Variants in CCSER1 observed in about 807,000 individuals in gnomAD.
CCSER1 encodes the protein coiled-coil serine rich protein 1.
Under a neutral mutation model 82.0 loss-of-function variants are expected in CCSER1, and 41 were observed. The observed-to-expected ratio is 0.50, with a 90% CI of 0.39 to 0.65. The LOEUF (loss-of-function observed/expected upper bound fraction) is 0.65. CCSER1 is among the 30% of genes least tolerant of loss of function. The probability of loss-of-function intolerance (pLI) is 0.00; values close to 1 mark genes in which losing one functional copy is unlikely to be tolerated. For synonymous variants in CCSER1, 414 were observed against 383.9 expected, an observed-to-expected ratio of 1.08 and a Z score of -0.92; for missense variants, 1,119 against 1,064.2, an observed-to-expected ratio of 1.05 and a Z score of -0.72.
At position 91,537,849 on chromosome 4, in the gene CCSER1, T is replaced by TA. The variant is rs796618804; in HGVS notation, c.2218-60716dup. Among the ~76,000 whole-genome samples, 228 of 151,862 alleles carry TA rather than the reference T, an allele frequency of 1.5e-3. 2 individuals are homozygous for TA. The highest frequency in any genetic ancestry group is 5.2e-3 in the African/African-American group (216 of 41,476). The stretch of plus-strand genomic sequence containing the variant: ...TTTCTTTATATTCATCCTATCAAAT[T>TA]AAAAAAATCAAAGGCAAAATTTTGA... On this transcript the variant is annotated intron_variant, in intron 10 of 10. Coordinates refer to ENST00000509176, the MANE Select transcript of CCSER1 (RefSeq NM_001145065.2).
chr4:91,361,321 GA>G (rs1749227642), intron 10 of CCSER1, among the ~76,000 whole-genome samples: 1 of 151,716 alleles, frequency 6.6e-6, no homozygotes, highest in Admixed American at 6.6e-5. Context: ...ACTTTAGGAA[GA>G]AAATACCAAC....
At chr4:91,510,306 C>G (rs1759749728) in intron 10 of CCSER1, among the ~76,000 whole-genome samples, 1 of 152,136 alleles carries the variant, frequency 6.6e-6, no homozygotes, top group Admixed American at 6.6e-5. Flanking sequence ...ATAGTGTTGT[C>G]ATAAACATAT....
chr4:90,537,683 C>T (rs1222811522), intron 5 of CCSER1, among the ~76,000 whole-genome samples: 2 of 152,164 alleles, frequency 1.3e-5, no homozygotes, highest in African/African-American at 2.4e-5. Flanking sequence ...TTTTCTGCAA[C>T]AGCTGTGTAA....
At chr4:90,980,237 C>G (rs1383838725) in intron 9 of CCSER1, among the ~76,000 whole-genome samples, 1 of 151,838 alleles carries the variant, frequency 6.6e-6, no homozygotes, top group East Asian at 1.9e-4. Context: ...TAGTCCTGAG[C>G]TCACCAGTTA....
chr4:90,537,137 G>A (rs1378450035), intron 5 of CCSER1, among the ~76,000 whole-genome samples: 1 of 152,118 alleles, frequency 6.6e-6, no homozygotes, highest in African/African-American at 2.4e-5. Flanking sequence ...ACCTTTTTAA[G>A]TTTAGATTGT....
intron 3 of CCSER1, among the ~76,000 whole-genome samples, chr4:90,325,263 G>A (rs1313408813): frequency 1.3e-5 from 2 of 152,110 alleles, no homozygotes; most frequent in African/African-American, 4.8e-5. Context: ...AACAATAGCA[G>A]TATGAAATAT....
chr4:91,371,413 A>G (rs932009810), intron 10 of CCSER1, among the ~76,000 whole-genome samples: 3 of 151,880 alleles, frequency 2.0e-5, no homozygotes, highest in Non-Finnish European at 4.4e-5. Flanking sequence ...CAAATATTTG[A>G]AGTTTTCTTT....
chr4:90,566,016 G>A (rs1037366652), intron 5 of CCSER1, among the ~76,000 whole-genome samples: 1 of 150,904 alleles, frequency 6.6e-6, no homozygotes, highest in Admixed American at 6.6e-5. Flanking sequence ...TGCCACCACG[G>A]CCAGCTAATT....
At chr4:91,135,169 T>A (rs1728353131) in intron 10 of CCSER1, among the ~76,000 whole-genome samples, 1 of 152,124 alleles carries the variant, frequency 6.6e-6, no homozygotes, top group Non-Finnish European at 1.5e-5. Flanking sequence ...TAATGAAATA[T>A]CACTAGTAAT....
At chr4:90,750,143 G>A (rs914713264) in intron 7 of CCSER1, among the ~76,000 whole-genome samples, 21 of 151,742 alleles carry the variant, frequency 1.4e-4, no homozygotes, top group African/African-American at 4.3e-4. Context: ...GGGGTTGTTT[G>A]TTTTTTTCTT....
chr4:90,633,869 T>TA (rs1159106541), intron 6 of CCSER1, among the ~76,000 whole-genome samples: 1 of 151,836 alleles, frequency 6.6e-6, no homozygotes, highest in Non-Finnish European at 1.5e-5. Context: ...AGTTTCTTTT[T>TA]ATTAAAATGC....
At chr4:90,613,185 AAG>A (rs1340194640) in intron 5 of CCSER1, among the ~76,000 whole-genome samples, 10 of 152,264 alleles carry the variant, frequency 6.6e-5, no homozygotes, top group African/African-American at 1.9e-4. Context: ...TCATGAAAAA[AAG>A]AAAAAAAACT....
At chr4:90,275,898 T>G (rs941628341) in intron 1 of CCSER1, among the ~76,000 whole-genome samples, 3 of 152,148 alleles carry the variant, frequency 2.0e-5, no homozygotes, top group Admixed American at 6.6e-5. Context: ...TCAATAGACC[T>G]TTGTGAAATA....
chr4:91,016,474 T>C (rs1739441843), intron 9 of CCSER1, among the ~76,000 whole-genome samples: 1 of 152,032 alleles, frequency 6.6e-6, no homozygotes. Flanking sequence ...ATTAACTTCC[T>C]TATTATTATC....
rs1560929885 is a variant in CCSER1, at chr4:90,276,254, C to CTTTGTTT, written c.-41-31990_-41-31989insTTTGTTT. 1.2e-4 allele frequency among the ~76,000 whole-genome samples: 9 copies of CTTTGTTT among 75,610 alleles called. 1 individual carries two copies. Among genetic ancestry groups the CTTTGTTT allele is most frequent in the African/African-American group, 3.8e-4 (7 of 18,298 alleles). The allele number at this position is 75,610 out of a possible 152,430, so 49.6% of individuals were successfully genotyped here. A position where few individuals can be genotyped will look rare whatever the true frequency, so the allele number is the denominator to read the frequency against. ...TCTTTCTTTCTTTCTTTCTTTCTTT[C>CTTTGTTT]CTTCCTTCCTTCCTTCCTTCCTTCC... is the stretch of plus-strand genomic sequence containing the variant. On this transcript the variant is annotated intron_variant, in intron 1 of 10. Coordinates refer to ENST00000509176, the MANE Select transcript of CCSER1 (RefSeq NM_001145065.2).
In CCSER1 at chr4:90,994,585, T is replaced by C. The variant is rs1737326742; in HGVS notation, c.2172+71138T>C. On this transcript the variant is annotated intron_variant, in intron 9 of 10. Transcript: ENST00000509176. ...TCCTCACAAAAACGTATGAGTCTATTTTCAATTCCATTTTTTAAAAAAACT... is the reference window on the plus strand; with the variant it reads ...TCCTCACAAAAACGTATGAGTCTATCTTCAATTCCATTTTTTAAAAAAACT... Among the ~76,000 whole-genome samples the C allele has an allele frequency of 1.8e-5, 2 of 113,590 alleles. 1 individual carries two copies. Among genetic ancestry groups the C allele is most frequent in the Admixed American group, 2.1e-4 (2 of 9,756 alleles). The allele number at this position is 113,590 out of a possible 152,430, so 74.5% of individuals were successfully genotyped here. A position where few individuals can be genotyped will look rare whatever the true frequency, so the allele number is the denominator to read the frequency against.
chr4:91,513,109 G>A (rs1048777829), intron 10 of CCSER1, among the ~76,000 whole-genome samples: 1 of 151,964 alleles, frequency 6.6e-6, no homozygotes, highest in Admixed American at 6.6e-5. Flanking sequence ...TGTCACAGAT[G>A]GCTCTTATTA....
At chr4:90,716,094 CTG>C (rs1277155674) in intron 6 of CCSER1, among the ~76,000 whole-genome samples, 5 of 150,832 alleles carry the variant, frequency 3.3e-5, no homozygotes, top group African/African-American at 1.2e-4. Flanking sequence ...AAATAAATAA[CTG>C]TATATAAATA....
At chr4:90,196,540 C>T (rs1736648695) in intron 1 of CCSER1, among the ~76,000 whole-genome samples, 1 of 152,002 alleles carries the variant, frequency 6.6e-6, no homozygotes, top group South Asian at 2.1e-4. Context: ...CAGGCTCTCT[C>T]AGCTCCAGAG....
Sources: gnomAD v4.1 joint callset for allele counts (sites outside exome capture counted in the v4.1 genomes callset) on GRCh38, gnomAD v4.1.1 for gene constraint, MANE v1.5 for transcripts, NCBI Gene and HGNC (gene_info 2026-07-23, HGNC 2026-07-21) for gene names.